EBF2: variants seen among roughly 807,000 people sequenced by gnomAD.
EBF2 encodes the protein transcription factor COE2.
EBF2 carries 21 observed loss-of-function variants against 72.8 expected under a neutral mutation model. The ratio of observed to expected loss-of-function variants is 0.29; its 90% CI spans 0.20 to 0.42. The LOEUF (loss-of-function observed/expected upper bound fraction) is 0.42. Ranked by LOEUF, EBF2 falls within the 10% of genes least tolerant of loss-of-function variation. The pLI is 1.00. For missense variants in EBF2, 637 were observed against 731.2 expected (o/e 0.87, Z 1.49); for synonymous variants, 299 against 274.2 (o/e 1.09, Z -0.89).
intron 9 of EBF2, 65 bp from the exon 10 acceptor site, chr8:25,886,946 T>C (rs1802699919): frequency 1.9e-6 from 3 of 1,548,288 alleles, no homozygotes; most frequent in South Asian, 2.5e-5. Context: ...GGACATAAGG[T>C]GTACAACATC....
At chr8:25,853,788 T>C (rs1669533216) in intron 14 of EBF2, among the ~76,000 whole-genome samples, 1 of 152,078 alleles carries the variant, frequency 6.6e-6, no homozygotes, top group Non-Finnish European at 1.5e-5. Flanking sequence ...TATGCCAATA[T>C]TAAAACTAAC....
chr8:25,976,205 T>C lies in EBF2; in HGVS notation c.551+56880A>G, dbSNP rs1804265337. ...AAATGTCTTCATCGCTTTTCATAGATGTGGTTGAAATTATTAAATTATTAT... is the reference window on the plus strand; with the variant it reads ...AAATGTCTTCATCGCTTTTCATAGACGTGGTTGAAATTATTAAATTATTAT... On this transcript the variant is annotated intron_variant, in intron 6 of 15. Transcript: ENST00000520164. Among the ~76,000 whole-genome samples the C allele has an allele frequency of 2.0e-5, 3 of 152,360 alleles. No homozygotes were observed. The South Asian group carries it at 6.2e-4, about 32-fold the overall frequency.
At chr8:25,850,122 T>C (rs1234192376) in intron 15 of EBF2, among the ~76,000 whole-genome samples, 1 of 152,204 alleles carries the variant, frequency 6.6e-6, no homozygotes, top group African/African-American at 2.4e-5. Context: ...AAAATTTGAT[T>C]ATTTTTTGAG....
intron 7 of EBF2, among the ~76,000 whole-genome samples, chr8:25,896,065 C>T (rs1368073481): frequency 1.3e-5 from 2 of 152,128 alleles, no homozygotes; most frequent in African/African-American, 4.8e-5. Context: ...TCAGCTCCTA[C>T]CCAGGTGTTT....
chr8:26,005,698 G>A (rs1216834094), intron 6 of EBF2, among the ~76,000 whole-genome samples: 2 of 147,952 alleles, frequency 1.4e-5, no homozygotes, highest in Non-Finnish European at 3.0e-5. Context: ...GGGCATGGTG[G>A]TGTGTGCATG....
At chr8:25,872,098 T>C (rs1802448568) in intron 10 of EBF2, among the ~76,000 whole-genome samples, 1 of 152,148 alleles carries the variant, frequency 6.6e-6, no homozygotes, top group Non-Finnish European at 1.5e-5. Flanking sequence ...ATCTTATACT[T>C]CTACTTCTGT....
intron 14 of EBF2, among the ~76,000 whole-genome samples, chr8:25,852,010 C>CAAAG (rs1453733582): frequency 6.6e-6 from 1 of 152,130 alleles, no homozygotes; most frequent in African/African-American, 2.4e-5. Context: ...AACTAAAATC[C>CAAAG]AAAGACTTCA....
In EBF2 at chr8:25,928,565, G is replaced by C. The variant is rs548290193; in HGVS notation, c.552-20010C>G. Among the ~76,000 whole-genome samples, 13 of 152,182 alleles carry C rather than the reference G, an allele frequency of 8.5e-5. 1 individual carries two copies. In the South Asian group the frequency reaches 2.7e-3, roughly 32 times the overall value. On this transcript the variant is annotated intron_variant, in intron 6 of 15. Coordinates refer to ENST00000520164, the MANE Select transcript of EBF2 (RefSeq NM_022659.4). Reference sequence around the variant, plus strand: ...ATCAATTACTGTCTTCACTTAGAACGAAGCCAGAGCCCAAGAATATTTATA... The same window carrying C: ...ATCAATTACTGTCTTCACTTAGAACCAAGCCAGAGCCCAAGAATATTTATA...
intron 14 of EBF2, 119 bp from the exon 15 acceptor site, chr8:25,850,880 TAAA>T (rs913523397): frequency 1.1e-5 from 11 of 959,624 alleles, no homozygotes; most frequent in African/African-American, 1.8e-5. Context: ...TTGCAGGGAT[TAAA>T]AAAAAAAAGT....
chr8:25,968,914 A>G (rs1451293478), intron 6 of EBF2, among the ~76,000 whole-genome samples: 2 of 151,752 alleles, frequency 1.3e-5, no homozygotes, highest in Non-Finnish European at 2.9e-5. Flanking sequence ...ATGGCTGCAC[A>G]ATAATGTACT....
At position 25,843,316 on chromosome 8, in the gene EBF2, T is replaced by G. The variant is rs1708710351; in HGVS notation, c.*1293A>C. 6.6e-6 allele frequency: 1 copy of G among 151,900 alleles called. No individual in the cohort carries two copies. The highest frequency in any genetic ancestry group is 2.4e-5 in the African/African-American group (1 of 41,314). The allele number at this position is 151,900 out of a possible 1,614,324, so 9.4% of individuals were successfully genotyped here. On this transcript the variant is annotated 3_prime_UTR_variant, in exon 16 of 16. Transcript: ENST00000520164. Reference sequence around the variant, plus strand: ...GGCATAGCTATGTTTTTCAAGAGAGTTTAATGCCATAAAAGGGGAAATTGA... The same window carrying G: ...GGCATAGCTATGTTTTTCAAGAGAGGTTAATGCCATAAAAGGGGAAATTGA...
At chr8:25,981,469 C>G (rs1804360004) in intron 6 of EBF2, among the ~76,000 whole-genome samples, 1 of 151,938 alleles carries the variant, frequency 6.6e-6, no homozygotes, top group Admixed American at 6.6e-5. Context: ...AAAGCATGAA[C>G]CAATGCAGTC....
chr8:26,034,233 G>A (rs751926146), intron 5 of EBF2, among the ~76,000 whole-genome samples: 4 of 152,088 alleles, frequency 2.6e-5, no homozygotes, highest in Non-Finnish European at 4.4e-5. Flanking sequence ...CCAGAACTAT[G>A]GTATACATTT....
Position 25,852,790 on chromosome 8 carries a change from G to A in EBF2, c.1529-2029C>T, listed in dbSNP as rs571587545. ...TCGATGCAACTATAATAAAAATGCT[G>A]AAAGGAATTTTAATTTGTGCATTTC... On this transcript the variant is annotated intron_variant, in intron 14 of 15. Transcript: ENST00000520164. Among the ~76,000 whole-genome samples, 49 of 152,294 alleles carry A rather than the reference G, an allele frequency of 3.2e-4. 1 individual carries two copies. In the South Asian group the frequency reaches 8.5e-3, roughly 26 times the overall value.
chr8:25,985,460 A>G (rs1585216733), intron 6 of EBF2, among the ~76,000 whole-genome samples: 3 of 152,164 alleles, frequency 2.0e-5, no homozygotes, highest in East Asian at 3.8e-4. Context: ...CCAGGCACAT[A>G]CTTGAGAACA....
At chr8:25,941,775 C>G (rs1442520118) in intron 6 of EBF2, among the ~76,000 whole-genome samples, 1 of 152,082 alleles carries the variant, frequency 6.6e-6, no homozygotes, top group African/African-American at 2.4e-5. Context: ...AGGTGCTGCT[C>G]CTCCTCCTCC....
At chr8:26,040,572 G>A in intron 4 of EBF2, 44 bp downstream of exon 4, 2 of 1,542,668 alleles carry the variant, frequency 1.3e-6, no homozygotes, top group African/African-American at 1.4e-5. Context: ...TTGGGGGTCG[G>A]GGTCAGAGAC....
At chr8:25,992,896 T>C (rs2117211636) in intron 6 of EBF2, among the ~76,000 whole-genome samples, 1 of 79,614 alleles carries the variant, frequency 1.3e-5, no homozygotes, top group African/African-American at 5.7e-5. Context: ...AATGAGGCCT[T>C]GTCTCAAAAA....
At chr8:25,859,848 C>G (rs1342743284) in intron 13 of EBF2, among the ~76,000 whole-genome samples, 1 of 151,916 alleles carries the variant, frequency 6.6e-6, no homozygotes, top group African/African-American at 2.4e-5. Context: ...TCCCAAATAG[C>G]AGGGACTACA....
Sources: gnomAD v4.1 joint callset for allele counts (sites outside exome capture counted in the v4.1 genomes callset) on GRCh38, gnomAD v4.1.1 for gene constraint, MANE v1.5 for transcripts, NCBI Gene and HGNC (gene_info 2026-07-23, HGNC 2026-07-21) for gene names.